NR1H3: variants seen among roughly 807,000 people sequenced by gnomAD.
NR1H3 encodes oxysterols receptor LXR-alpha.
In NR1H3, 19 loss-of-function variants were observed where a neutral mutation model predicts 48.1. The ratio of observed to expected loss-of-function variants is 0.40; its 90% CI spans 0.28 to 0.58. NR1H3 has a LOEUF of 0.58. Among genes scored for constraint, NR1H3 ranks in the 20% least tolerant of loss-of-function variants. The pLI is 0.50. For missense variants in NR1H3, 486 were observed against 595.9 expected, an observed-to-expected ratio of 0.82 and a Z score of 1.92; for synonymous variants, 232 against 227.3, an observed-to-expected ratio of 1.02 and a Z score of -0.19.
At chr11:47,258,930 C>T (rs751996676) in intron 1 of NR1H3, 7 of 498,822 alleles carry the variant, frequency 1.4e-5, no homozygotes, top group Non-Finnish European at 2.4e-5. Flanking sequence ...AATCCCCACA[C>T]TTTGGGAGGC....
intron 1 of NR1H3, among the ~76,000 whole-genome samples, chr11:47,251,912 TC>T (rs1351149314): frequency 6.6e-6 from 1 of 152,160 alleles, no homozygotes; most frequent in East Asian, 1.9e-4. Context: ...GAGAAACTAT[TC>T]CAGGAAGGGT....
In NR1H3 at chr11:47,249,227, C is replaced by A. The variant is rs534693132; in HGVS notation, c.-93+228C>A. ...AAGTAGAGGTCGCTTCTCTCCACGC[C>A]CCTGCCTTTGTGGGGAGATTGAGCC... On this transcript the variant is annotated intron_variant, in intron 1 of 8. Coordinates refer to the NR1H3 transcript ENST00000395397. 1.7e-4 allele frequency among the ~76,000 whole-genome samples: 26 copies of A among 152,148 alleles called. No homozygotes were observed. In the South Asian group the frequency reaches 2.1e-3, roughly 12 times the overall value.
upstream of NR1H3, among the ~76,000 whole-genome samples, chr11:47,256,060 A>G (rs1955144507): frequency 6.6e-6 from 1 of 150,478 alleles, no homozygotes; most frequent in South Asian, 2.1e-4. Context: ...TCTTTTTTTT[A>G]TTTTGAGATG....
At chr11:47,255,762 G>A (rs1955116675), upstream of NR1H3, among the ~76,000 whole-genome samples, 1 of 151,436 alleles carries the variant, frequency 6.6e-6, no homozygotes, top group South Asian at 2.1e-4. Context: ...CTGCCTGCCA[G>A]GTTCAAGTGA....
upstream of NR1H3, chr11:47,248,543 C>A (rs1226127886): frequency 6.4e-7 from 1 of 1,551,628 alleles, no homozygotes. Flanking sequence ...AATCCTGAAT[C>A]CAGCCTCCCA....
intron 7 of NR1H3, among the ~76,000 whole-genome samples, chr11:47,266,331 G>T (rs1343082831): frequency 6.6e-6 from 1 of 150,654 alleles, no homozygotes; most frequent in African/African-American, 2.4e-5. Context: ...GTGCCCTGCT[G>T]AAAAAGGATT....
At chr11:47,256,260 C>T (rs888593611), upstream of NR1H3, among the ~76,000 whole-genome samples, 5 of 149,024 alleles carry the variant, frequency 3.4e-5, no homozygotes, top group South Asian at 2.1e-4. Context: ...AGGCTGGTCT[C>T]GAACTCCTGA....
chr11:47,266,935 C>A (rs1956547399), intron 7 of NR1H3, among the ~76,000 whole-genome samples: 1 of 152,098 alleles, frequency 6.6e-6, no homozygotes, highest in East Asian at 1.9e-4. Flanking sequence ...ACCGCCGTGC[C>A]TTGCTGAAAA....
intron 7 of NR1H3, among the ~76,000 whole-genome samples, chr11:47,267,041 T>C (rs1956557848): frequency 6.6e-6 from 1 of 152,136 alleles, no homozygotes; most frequent in Non-Finnish European, 1.5e-5. Flanking sequence ...TGATGGTGTC[T>C]GGTGCCTGTA....
upstream of NR1H3, among the ~76,000 whole-genome samples, chr11:47,257,126 T>C (rs1955257361): frequency 6.6e-6 from 1 of 152,192 alleles, no homozygotes. Context: ...TCAGGGGTGT[T>C]GGGGGAGATG....
At position 47,265,950 on chromosome 11, in the gene NR1H3, CTAT is replaced by C. The variant is rs1358994655; in HGVS notation, c.989-1955_989-1953del. ...ATGCCACATATTTATGAGATAGGTA[CTAT>C]TATTATTCCCATTTTACAGATGGGA... On this transcript the variant is annotated intron_variant, in intron 7 of 9. Transcript: ENST00000441012. Among the ~76,000 whole-genome samples, 4 of 152,246 alleles carry C rather than the reference CTAT, an allele frequency of 2.6e-5. No individual in the cohort carries two copies. In the East Asian group the frequency reaches 7.7e-4, roughly 29 times the overall value.
chr11:47,262,056 G>T, intron 7 of NR1H3, 38 bp downstream of exon 7: 1 of 1,416,260 alleles, frequency 7.1e-7, no homozygotes, highest in South Asian at 1.2e-5. Context: ...GGGTTGGGTG[G>T]ACAGATGCTT....
upstream of NR1H3, chr11:47,248,895 G>A: frequency 6.5e-7 from 1 of 1,546,636 alleles, no homozygotes; most frequent in Non-Finnish European, 8.7e-7. Flanking sequence ...TGCGTTCGCC[G>A]CCATCTTACT....
intron 7 of NR1H3, among the ~76,000 whole-genome samples, chr11:47,265,114 C>A (rs1284184744): frequency 6.6e-6 from 1 of 151,926 alleles, no homozygotes; most frequent in Non-Finnish European, 1.5e-5. Context: ...GCCCATATGG[C>A]AAAACCCCAT....
chr11:47,261,093 A>G, intron 4 of NR1H3, 148 bp from the exon 5 acceptor site: 1 of 643,182 alleles, frequency 1.6e-6, no homozygotes, highest in Non-Finnish European at 2.7e-6. Flanking sequence ...AAAAAAAAAA[A>G]ATCTTCTTGC....
chr11:47,264,919 G>A (rs976341198), intron 7 of NR1H3, among the ~76,000 whole-genome samples: 2 of 152,178 alleles, frequency 1.3e-5, no homozygotes, highest in Non-Finnish European at 2.9e-5. Context: ...GCTAACTATA[G>A]AACCTCCTCT....
upstream of NR1H3, among the ~76,000 whole-genome samples, chr11:47,255,527 C>CTTTCTTTCTTTCTT (rs1275252225): frequency 4.2e-4 from 45 of 107,430 alleles, no homozygotes; most frequent in African/African-American, 1.4e-3. Context: ...GATAGACTCT[C>CTTTCTTTCTTTCTT]TTTCTTTCTT....
chr11:47,252,612 C>T (rs1217580766), intron 1 of NR1H3, among the ~76,000 whole-genome samples: 3 of 146,408 alleles, frequency 2.0e-5, no homozygotes, highest in East Asian at 2.1e-4. Context: ...CTCCCACTGT[C>T]GCCCAGGCTG....
At chr11:47,251,875 A>G (rs1390731170) in intron 1 of NR1H3, among the ~76,000 whole-genome samples, 2 of 152,286 alleles carry the variant, frequency 1.3e-5, no homozygotes, top group East Asian at 3.9e-4. Context: ...GGATTGATGA[A>G]GCAGATACTA....
Sources: allele counts gnomAD v4.1 joint callset (sites outside exome capture counted in the v4.1 genomes callset), GRCh38; gene constraint gnomAD v4.1.1; transcripts MANE v1.5; gene names NCBI Gene and HGNC (gene_info 2026-07-23, HGNC 2026-07-21).